FSTL5: variants seen among roughly 807,000 people sequenced by gnomAD.
FSTL5 encodes follistatin-related protein 5.
Under a neutral mutation model 89.1 loss-of-function variants are expected in FSTL5, and 62 were observed. That is an observed-to-expected ratio of 0.70 (90% confidence interval 0.57 to 0.86). FSTL5 has a LOEUF of 0.86. Among genes scored for constraint, FSTL5 ranks in the 40% least tolerant of loss-of-function variants. FSTL5 has a pLI of 0.00. For synonymous variants in FSTL5, 383 were observed against 346.2 expected, an observed-to-expected ratio of 1.11 and a Z score of -1.18; for missense variants, 1,057 against 1,001.6, an observed-to-expected ratio of 1.06 and a Z score of -0.75.
intron 1 of FSTL5, among the ~76,000 whole-genome samples, chr4:162,118,660 G>A (rs1218731231): frequency 1.3e-5 from 2 of 152,130 alleles, no homozygotes; most frequent in Non-Finnish European, 1.5e-5. Flanking sequence ...CATTGTACCA[G>A]CTGCAAATAC....
intron 4 of FSTL5, among the ~76,000 whole-genome samples, chr4:161,840,227 C>T (rs1217101222): frequency 6.6e-6 from 1 of 151,838 alleles, no homozygotes; most frequent in African/African-American, 2.4e-5. Context: ...TCAAATAACA[C>T]AGCATTGAGG....
At chr4:161,459,405 G>A in intron 13 of FSTL5, 86 bp from the exon 14 acceptor site, 1 of 737,076 alleles carries the variant, frequency 1.4e-6, no homozygotes, top group Non-Finnish European at 2.2e-6. Context: ...TTCTAATTTA[G>A]ATGTCAGATT....
chr4:162,007,186 A>G (rs1736638401), intron 3 of FSTL5, among the ~76,000 whole-genome samples: 1 of 151,890 alleles, frequency 6.6e-6, no homozygotes, highest in Non-Finnish European at 1.5e-5. Flanking sequence ...GCGAATTGCT[A>G]TCCTAGAGGA....
chr4:161,932,970 A>G (rs1347339400), intron 3 of FSTL5, among the ~76,000 whole-genome samples: 1 of 152,164 alleles, frequency 6.6e-6, no homozygotes, highest in Non-Finnish European at 1.5e-5. Context: ...AAACAAAGCT[A>G]AACAATACAA....
At chr4:161,636,560 C>T (rs1192341591) in intron 7 of FSTL5, among the ~76,000 whole-genome samples, 1 of 149,874 alleles carries the variant, frequency 6.7e-6, no homozygotes, top group Non-Finnish European at 1.5e-5. Context: ...GCGCTGCACG[C>T]ACTAACTCGT....
chr4:162,108,499 T>A (rs1409099008), intron 2 of FSTL5, among the ~76,000 whole-genome samples: 1 of 151,990 alleles, frequency 6.6e-6, no homozygotes. Context: ...TGAAGATCTA[T>A]TTTGTATATT....
chr4:162,039,290 G>GA (rs199713815), intron 2 of FSTL5, among the ~76,000 whole-genome samples: 59 of 150,744 alleles, frequency 3.9e-4, no homozygotes, highest in East Asian at 2.5e-3. Flanking sequence ...GAGTAATCAG[G>GA]AAAAAAAAAT....
At chr4:162,075,758 C>T (rs1043824283) in intron 2 of FSTL5, among the ~76,000 whole-genome samples, 1 of 151,802 alleles carries the variant, frequency 6.6e-6, no homozygotes, top group African/African-American at 2.4e-5. Context: ...TGAAGAGACA[C>T]CCATATAGAT....
chr4:161,818,594 G>A (rs1730399956), intron 4 of FSTL5, among the ~76,000 whole-genome samples: 1 of 152,190 alleles, frequency 6.6e-6, no homozygotes, highest in South Asian at 2.1e-4. Context: ...TCCCCTAGAG[G>A]TTTGAGCAGT....
At chr4:161,471,733 G>T (rs575223801) in intron 13 of FSTL5, among the ~76,000 whole-genome samples, 19 of 152,188 alleles carry the variant, frequency 1.2e-4, no homozygotes, top group South Asian at 8.3e-4. Flanking sequence ...CCTAGCATTT[G>T]TAAGTAAATT....
chr4:161,440,944 A>G (rs1316607669), intron 15 of FSTL5, among the ~76,000 whole-genome samples: 1 of 152,162 alleles, frequency 6.6e-6, no homozygotes, highest in East Asian at 1.9e-4. Flanking sequence ...ATAAATTTTG[A>G]GTGTCTAAAC....
intron 2 of FSTL5, among the ~76,000 whole-genome samples, chr4:162,092,759 A>C (rs1306192113): frequency 2.0e-5 from 3 of 151,210 alleles, no homozygotes; most frequent in Non-Finnish European, 4.4e-5. Context: ...GATCAGCCTG[A>C]CCAACATGGT....
At chr4:161,915,200 A>G (rs1343145949) in intron 4 of FSTL5, among the ~76,000 whole-genome samples, 1 of 152,104 alleles carries the variant, frequency 6.6e-6, no homozygotes, top group Non-Finnish European at 1.5e-5. Flanking sequence ...ATAATTTAAC[A>G]TTTGTGAAAT....
chr4:161,500,581 G>A (rs1017589226), intron 11 of FSTL5, among the ~76,000 whole-genome samples: 1 of 151,826 alleles, frequency 6.6e-6, no homozygotes, highest in African/African-American at 2.4e-5. Context: ...AGATTTTTAG[G>A]AAGAAAAAGA....
At chr4:161,484,775 T>C (rs901084483) in intron 12 of FSTL5, among the ~76,000 whole-genome samples, 1 of 152,164 alleles carries the variant, frequency 6.6e-6, no homozygotes, top group Non-Finnish European at 1.5e-5. Flanking sequence ...GTTTGAAAAT[T>C]AAAAACATGA....
chr4:162,008,760 CT>C (rs936861921), intron 3 of FSTL5, among the ~76,000 whole-genome samples: 3 of 151,866 alleles, frequency 2.0e-5, no homozygotes, highest in African/African-American at 7.2e-5. Flanking sequence ...TTAGGCCATT[CT>C]TTTTAAATAT....
At chr4:162,146,661 G>GTCCCTTCCCTTCCCTTCCCTTCCCT (rs200924276) in intron 1 of FSTL5, among the ~76,000 whole-genome samples, 1 of 140,788 alleles carries the variant, frequency 7.1e-6, no homozygotes, top group African/African-American at 2.7e-5. Context: ...TTTACCTAAT[G>GTCCCTTCCCTTCCCTTCCCTTCCCT]TCCCTTCCCT....
intron 12 of FSTL5, among the ~76,000 whole-genome samples, chr4:161,485,889 G>T (rs2126461180): frequency 6.6e-6 from 1 of 152,264 alleles, no homozygotes; most frequent in South Asian, 2.1e-4. Context: ...TGTAATCACA[G>T]CACTTTGGGA....
intron 8 of FSTL5, among the ~76,000 whole-genome samples, chr4:161,578,424 A>G (rs1296436745): frequency 6.6e-6 from 1 of 152,134 alleles, no homozygotes; most frequent in Non-Finnish European, 1.5e-5. Context: ...GAAGTACAGT[A>G]TGTACAAATG....
Sources: allele counts gnomAD v4.1 joint callset (sites outside exome capture counted in the v4.1 genomes callset), GRCh38; gene constraint gnomAD v4.1.1; transcripts MANE v1.5; gene names NCBI Gene and HGNC (gene_info 2026-07-23, HGNC 2026-07-21).